AKT3: variants seen among roughly 807,000 people sequenced by gnomAD.
The protein encoded by AKT3 is RAC-gamma serine/threonine-protein kinase.
AKT3 carries 15 observed loss-of-function variants against 65.3 expected under a neutral mutation model. That is an observed-to-expected ratio of 0.23 (90% CI 0.15 to 0.35). The LOEUF (loss-of-function observed/expected upper bound fraction) is 0.35. Ranked by LOEUF, AKT3 falls within the 10% of genes least tolerant of loss-of-function variation. The pLI, the probability that AKT3 is intolerant of heterozygous loss-of-function variation, is 1.00. For missense variants in AKT3, 243 were observed against 576.5 expected (o/e 0.42, Z 5.92); for synonymous variants, 206 against 183.8 (o/e 1.12, Z -0.98).
At chr1:243,510,942 G>A (rs1669973233) in intron 13 of AKT3, among the ~76,000 whole-genome samples, 1 of 152,258 alleles carries the variant, frequency 6.6e-6, no homozygotes, top group Non-Finnish European at 1.5e-5. Flanking sequence ...CAATTCTAAT[G>A]CCACAGTCTA....
At chr1:243,811,902 A>G (rs1365257941) in intron 2 of AKT3, among the ~76,000 whole-genome samples, 3 of 152,214 alleles carry the variant, frequency 2.0e-5, no homozygotes, top group Admixed American at 6.5e-5. Flanking sequence ...GACAAACCTG[A>G]CAAAAACAAG....
chr1:243,568,439 G>GA lies in AKT3; in HGVS notation c.819+4486dup, dbSNP rs113494657. On this transcript the variant is annotated intron_variant, in intron 9 of 13. Transcript: ENST00000673466. ...AAAAGGTCATGCTTTTGAGGAGAGA[G>GA]AAAAAAAAAAACACTAGACATAATA... Among the ~76,000 whole-genome samples, 377 of 136,434 alleles carry GA rather than the reference G, an allele frequency of 2.8e-3. 2 individuals carry two copies. Among genetic ancestry groups the GA allele is most frequent in the East Asian group, 0.012 (56 of 4,770 alleles). The allele number at this position is 136,434 out of a possible 152,430, so 89.5% of individuals were successfully genotyped here.
At chr1:243,657,184 T>C (rs1265727638) in intron 4 of AKT3, among the ~76,000 whole-genome samples, 4 of 152,164 alleles carry the variant, frequency 2.6e-5, no homozygotes, top group South Asian at 4.1e-4. Flanking sequence ...GAGAGTTCCT[T>C]TGGCACTTTT....
chr1:243,550,088 C>A (rs1672943097), intron 11 of AKT3, among the ~76,000 whole-genome samples: 1 of 152,162 alleles, frequency 6.6e-6, no homozygotes, highest in Non-Finnish European at 1.5e-5. Flanking sequence ...CAGCTCAAGT[C>A]CCCCAATCCC....
At chr1:243,713,634 G>A (rs1223769701) in intron 2 of AKT3, among the ~76,000 whole-genome samples, 1 of 148,770 alleles carries the variant, frequency 6.7e-6, no homozygotes, top group South Asian at 2.1e-4. Context: ...AACAGCAGCC[G>A]AATATCTCCC....
intron 6 of AKT3, among the ~76,000 whole-genome samples, chr1:243,636,408 T>C (rs1679975841): frequency 1.3e-5 from 2 of 152,006 alleles, no homozygotes; most frequent in Non-Finnish European, 2.9e-5. Context: ...GTTGGATCAC[T>C]TACTAAGCAG....
chr1:243,638,219 T>C (rs745910657), intron 5 of AKT3, among the ~76,000 whole-genome samples: 5 of 152,180 alleles, frequency 3.3e-5, no homozygotes, highest in African/African-American at 9.6e-5. Context: ...ATATAGGATA[T>C]ATTTATAAGA....
chr1:243,544,701 T>G (rs1672540841), intron 12 of AKT3, among the ~76,000 whole-genome samples: 1 of 83,800 alleles, frequency 1.2e-5, no homozygotes, highest in South Asian at 3.9e-4. Context: ...GTTTTTTGTT[T>G]TTTGTTTTTT....
At chr1:243,580,806 T>C (rs1675283463) in intron 8 of AKT3, among the ~76,000 whole-genome samples, 2 of 152,156 alleles carry the variant, frequency 1.3e-5, no homozygotes, top group Non-Finnish European at 2.9e-5. Flanking sequence ...CAAGCACATC[T>C]CTGGCATCCA....
At chr1:243,839,802 T>A (rs923122788) in intron 2 of AKT3, among the ~76,000 whole-genome samples, 9 of 151,212 alleles carry the variant, frequency 6.0e-5, no homozygotes, top group African/African-American at 1.9e-4. Context: ...ATAACTATAT[T>A]ATAACTTTAT....
At chr1:243,814,519 A>G (rs1194100031) in intron 2 of AKT3, 1 of 152,210 alleles carries the variant, frequency 6.6e-6, no homozygotes, top group Non-Finnish European at 1.5e-5. Flanking sequence ...TAGAACACAT[A>G]TTCATGAATA....
At chr1:243,695,294 G>A (rs1684991460) in intron 3 of AKT3, among the ~76,000 whole-genome samples, 1 of 151,850 alleles carries the variant, frequency 6.6e-6, no homozygotes, top group African/African-American at 2.4e-5. Flanking sequence ...TAACAACCAA[G>A]TTCAAAGGTC....
intron 2 of AKT3, among the ~76,000 whole-genome samples, chr1:243,778,727 G>A (rs1484923636): frequency 6.6e-6 from 1 of 152,088 alleles, no homozygotes; most frequent in Non-Finnish European, 1.5e-5. Flanking sequence ...CGTTAAAAAG[G>A]TATACAGTAA....
intron 2 of AKT3, among the ~76,000 whole-genome samples, chr1:243,752,679 G>A (rs188238285): frequency 1.3e-3 from 201 of 152,240 alleles, no homozygotes; most frequent in Middle Eastern, 0.01. Flanking sequence ...TAGTCCCTTG[G>A]TTTATAAGTG....
intron 2 of AKT3, among the ~76,000 whole-genome samples, chr1:243,746,758 T>G (rs956955712): frequency 6.6e-6 from 1 of 152,230 alleles, no homozygotes; most frequent in Non-Finnish European, 1.5e-5. Flanking sequence ...ATCTTTCCCT[T>G]GATAATCTCC....
chr1:243,822,221 G>C (rs1039949916), intron 2 of AKT3, among the ~76,000 whole-genome samples: 5 of 152,158 alleles, frequency 3.3e-5, no homozygotes, highest in Admixed American at 6.5e-5. Context: ...GAAGTTCCTT[G>C]AAATCAATGA....
intron 8 of AKT3, among the ~76,000 whole-genome samples, chr1:243,608,749 T>C (rs1398039917): frequency 3.0e-5 from 1 of 33,854 alleles, no homozygotes; most frequent in African/African-American, 4.7e-5. Flanking sequence ...TTTGCTTTTT[T>C]TTTTTTTTTT....
chr1:243,517,824 T>C (rs1670462233), intron 12 of AKT3, among the ~76,000 whole-genome samples: 1 of 152,254 alleles, frequency 6.6e-6, no homozygotes. Context: ...AGATTAAATT[T>C]ACCATCTTGC....
At chr1:243,663,451 G>A (rs572685977) in intron 4 of AKT3, among the ~76,000 whole-genome samples, 26 of 151,532 alleles carry the variant, frequency 1.7e-4, no homozygotes, top group African/African-American at 6.1e-4. Context: ...GAGGGTGTGC[G>A]GGGAGGGAGG....
Sources: gnomAD v4.1 joint callset for allele counts (sites outside exome capture counted in the v4.1 genomes callset) on GRCh38, gnomAD v4.1.1 for gene constraint, MANE v1.5 for transcripts, NCBI Gene and HGNC (gene_info 2026-07-23, HGNC 2026-07-21) for gene names.